The following UGGT2 variants were observed in gnomAD, a reference collection of about 807,000 sequenced individuals.
UGGT2 encodes the protein UDP-glucose:glycoprotein glucosyltransferase 2.
Under a neutral mutation model 192.1 loss-of-function variants are expected in UGGT2, and 180 were observed. The ratio of observed to expected loss-of-function variants is 0.94; its 90% CI spans 0.83 to 1.06. The LOEUF is 1.06. UGGT2 is among the 50% of genes least tolerant of loss of function. The probability of loss-of-function intolerance (pLI) is 0.00; values close to 1 mark genes in which losing one functional copy is unlikely to be tolerated. For missense variants in UGGT2, 1,849 were observed against 1,795.7 expected (o/e 1.03, Z -0.54); for synonymous variants, 580 against 591.0 (o/e 0.98, Z 0.27).
intron 27 of UGGT2, among the ~76,000 whole-genome samples, chr13:95,878,646 CACAG>C (rs1240625114): frequency 6.6e-6 from 1 of 152,130 alleles, no homozygotes; most frequent in Non-Finnish European, 1.5e-5. Context: ...CAGTGATTTT[CACAG>C]ACAGAATTCT....
At position 95,899,909 on chromosome 13, in the gene UGGT2, A is replaced by G. The variant is rs114678420; in HGVS notation, c.2634+898T>C. On this transcript the variant is annotated intron_variant, in intron 22 of 38. Transcript: ENST00000376747. ...TGCAGGTGAACAGAATTCAAAAGTA[A>G]GTGAAAAACAAAACATTAAGAGTGC... Among the ~76,000 whole-genome samples the G allele has an allele frequency of 6.4e-3, 974 of 152,286 alleles. 13 individuals are homozygous for G. Among genetic ancestry groups the G allele is most frequent in the African/African-American group, 0.022 (930 of 41,564 alleles).
At chr13:95,963,619 T>A (rs965406193) in intron 12 of UGGT2, among the ~76,000 whole-genome samples, 1 of 152,144 alleles carries the variant, frequency 6.6e-6, no homozygotes, top group Non-Finnish European at 1.5e-5. Flanking sequence ...GCACACAACA[T>A]GATTGTATAT....
chr13:95,897,646 T>C (rs1391320601), intron 22 of UGGT2, among the ~76,000 whole-genome samples: 1 of 152,220 alleles, frequency 6.6e-6, no homozygotes, highest in Non-Finnish European at 1.5e-5. Context: ...ATCTGCCACA[T>C]TGCTGTGATT....
Position 95,860,870 on chromosome 13 carries a change from A to T in UGGT2, c.3658T>A (p.Leu1220Met). ...TTTTCCTTTTTGTTTTCTTTATGCAAGCTTACTGTGAAACTTGGAATAAAA... is the reference window on the plus strand; with the variant it reads ...TTTTCCTTTTTGTTTTCTTTATGCATGCTTACTGTGAAACTTGGAATAAAA... ...WDSIKSFTVS[L>M]HKENKKEKDV... is the part of the protein sequence containing the mutation. The change falls in exon 32 of 39, where the codon TTG (leucine) becomes ATG (methionine). Residue 1220 changes from leucine (L) to methionine (M), a missense_variant. Transcript: ENST00000376747. 1 of 1,562,788 alleles carries T rather than the reference A, an allele frequency of 6.4e-7. No individual in the cohort carries two copies. Among genetic ancestry groups the T allele is most frequent in the Non-Finnish European group, 8.6e-7 (1 of 1,156,120 alleles).
At chr13:95,837,258 G>A (rs1319169331) in intron 36 of UGGT2, 56 bp from the exon 37 acceptor site, 1 of 1,150,546 alleles carries the variant, frequency 8.7e-7, no homozygotes, top group African/African-American at 1.5e-5. Context: ...CAGAAGGAAA[G>A]AAGCTGAATG....
chr13:95,912,171 G>A (rs533509646), intron 20 of UGGT2, among the ~76,000 whole-genome samples: 7 of 151,040 alleles, frequency 4.6e-5, no homozygotes, highest in East Asian at 3.9e-4. Context: ...CTTTGAAAAC[G>A]GGCACAAGAC....
intron 29 of UGGT2, among the ~76,000 whole-genome samples, chr13:95,867,696 G>T (rs1890802155): frequency 6.6e-6 from 1 of 151,992 alleles, no homozygotes. Context: ...TTCAAATTAT[G>T]GCTTATCTTT....
At chr13:95,863,487 G>C (rs1312870875) in intron 31 of UGGT2, 142 bp downstream of exon 31, 1 of 641,334 alleles carries the variant, frequency 1.6e-6, no homozygotes, top group East Asian at 2.6e-5. Context: ...CTTGTACACA[G>C]TAGTAACATT....
At chr13:95,899,420 G>A (rs1271669447) in intron 22 of UGGT2, among the ~76,000 whole-genome samples, 1 of 151,980 alleles carries the variant, frequency 6.6e-6, no homozygotes, top group East Asian at 1.9e-4. Flanking sequence ...AGAATGTTTG[G>A]TTCACAGTAG....
At chr13:95,942,519 T>G (rs2049725603) in intron 15 of UGGT2, among the ~76,000 whole-genome samples, 1 of 152,162 alleles carries the variant, frequency 6.6e-6, no homozygotes, top group African/African-American at 2.4e-5. Context: ...TGTAAGATAA[T>G]TATCTTGTTT....
chr13:96,049,023 CA>C (rs1566861628), intron 1 of UGGT2, among the ~76,000 whole-genome samples: 1 of 152,032 alleles, frequency 6.6e-6, no homozygotes, highest in African/African-American at 2.4e-5. Flanking sequence ...GGCAGAGACA[CA>C]ACAAAAAAAG....
At chr13:95,996,006 A>T in intron 7 of UGGT2, 57 bp downstream of exon 7, 2 of 1,457,880 alleles carry the variant, frequency 1.4e-6, no homozygotes, top group African/African-American at 1.4e-5. Context: ...ATATCAAATT[A>T]ATTCCTTAAA....
intron 31 of UGGT2, among the ~76,000 whole-genome samples, chr13:95,861,430 T>C (rs887023345): frequency 1.3e-5 from 2 of 152,114 alleles, no homozygotes; most frequent in African/African-American, 4.8e-5. Context: ...TCTGGATGAC[T>C]TCCATGACAA....
intron 8 of UGGT2, among the ~76,000 whole-genome samples, chr13:95,987,876 G>A (rs141891064): frequency 6.6e-6 from 1 of 152,052 alleles, no homozygotes; most frequent in Non-Finnish European, 1.5e-5. Context: ...CCCCCAAAAG[G>A]CTGGCCTATC....
At chr13:95,824,786 T>C (rs1190751658) in intron 38 of UGGT2, among the ~76,000 whole-genome samples, 2 of 152,162 alleles carry the variant, frequency 1.3e-5, no homozygotes, top group East Asian at 1.9e-4. Flanking sequence ...AAAGATTACA[T>C]CTTGGTTTGG....
intron 26 of UGGT2, among the ~76,000 whole-genome samples, chr13:95,885,366 T>C (rs2047615629): frequency 6.6e-6 from 1 of 152,144 alleles, no homozygotes; most frequent in Non-Finnish European, 1.5e-5. Context: ...TTCTTCTAGT[T>C]CCCCAAGGGC....
intron 9 of UGGT2, chr13:95,985,263 T>C (rs759846293): frequency 5.5e-6 from 7 of 1,277,090 alleles, no homozygotes; most frequent in Admixed American, 4.1e-5. Context: ...TGTTTTATTA[T>C]ATAAATGACG....
At chr13:95,810,938 G>T (rs1256840514) in intron 38 of UGGT2, among the ~76,000 whole-genome samples, 1 of 152,028 alleles carries the variant, frequency 6.6e-6, no homozygotes, top group Non-Finnish European at 1.5e-5. Context: ...TTCAAAAATG[G>T]GCAAAGGATC....
intron 10 of UGGT2, among the ~76,000 whole-genome samples, chr13:95,973,531 A>T (rs1273843164): frequency 1.3e-5 from 2 of 152,188 alleles, no homozygotes; most frequent in Admixed American, 6.5e-5. Context: ...TAAATTCATA[A>T]AAGTTTCCAT....
Sources: gnomAD v4.1 joint callset for allele counts (sites outside exome capture counted in the v4.1 genomes callset) on GRCh38, gnomAD v4.1.1 for gene constraint, MANE v1.5 for transcripts, NCBI Gene and HGNC (gene_info 2026-07-23, HGNC 2026-07-21) for gene names.